ZNF430: variants seen among roughly 807,000 people sequenced by gnomAD.
ZNF430 encodes zinc finger protein 430.
Under a neutral mutation model 56.7 loss-of-function variants are expected in ZNF430, and 35 were observed. The ratio of observed to expected loss-of-function variants is 0.62; its 90% confidence interval spans 0.47 to 0.82. The LOEUF (loss-of-function observed/expected upper bound fraction) is 0.82. Ranked by LOEUF, ZNF430 falls within the 40% of genes least tolerant of loss-of-function variation. The pLI is 0.00. For synonymous variants in ZNF430, 212 were observed against 224.3 expected (o/e 0.94, Z 0.49); for missense variants, 574 against 661.0 (o/e 0.87, Z 1.44).
chr19:21,030,860 C>T (rs1321314373), intron 2 of ZNF430, among the ~76,000 whole-genome samples: 2 of 67,036 alleles, frequency 3.0e-5, no homozygotes. Flanking sequence ...TGGTTATCAG[C>T]CCCGTCTTGT....
intron 4 of ZNF430, among the ~76,000 whole-genome samples, chr19:21,053,064 C>G (rs940317082): frequency 6.6e-6 from 1 of 152,080 alleles, no homozygotes; most frequent in African/African-American, 2.4e-5. Flanking sequence ...TGTTGCAGCC[C>G]AAAATGCATC....
chr19:21,033,828 T>G (rs1967945885), intron 3 of ZNF430: 2 of 525,232 alleles, frequency 3.8e-6, no homozygotes, highest in Non-Finnish European at 3.1e-6. Flanking sequence ...TTCCAGAAAT[T>G]TAGTGGCATA....
chr19:21,047,870 G>A (rs1004674120), intron 4 of ZNF430, among the ~76,000 whole-genome samples: 3 of 152,206 alleles, frequency 2.0e-5, no homozygotes, highest in Non-Finnish European at 4.4e-5. Context: ...CCTTGGTGGA[G>A]TGGCTGTGCT....
In ZNF430 at chr19:21,020,793, G is replaced by A. The variant is rs376530212; in HGVS notation, c.-8G>A. 16 of 1,613,896 alleles carry A rather than the reference G, an allele frequency of 9.9e-6. No homozygotes were observed. The highest frequency in any genetic ancestry group is 6.7e-5 in the East Asian group (3 of 44,870). ...GCTAAGACGCCAGGAACCCCTGGAA[G>A]CCTAGAAATGGTGAGAGTGCCGGGT... On this transcript the variant is annotated 5_prime_UTR_variant, in exon 1 of 5. Transcript: ENST00000261560.
At chr19:21,056,309 C>G (rs1023281481) in intron 4 of ZNF430, among the ~76,000 whole-genome samples, 1 of 151,896 alleles carries the variant, frequency 6.6e-6, no homozygotes, top group Non-Finnish European at 1.5e-5. Context: ...GCCAACATGG[C>G]GAAACCCCAT....
intron 2 of ZNF430, among the ~76,000 whole-genome samples, chr19:21,032,458 T>C (rs957230952): frequency 7.9e-5 from 12 of 152,218 alleles, no homozygotes; most frequent in Admixed American, 6.5e-4. Context: ...CTGGGTGTGG[T>C]GGCTCACACC....
intron 2 of ZNF430, among the ~76,000 whole-genome samples, chr19:21,028,688 GT>G (rs1018619042): frequency 6.6e-6 from 1 of 151,602 alleles, no homozygotes; most frequent in Admixed American, 6.6e-5. Context: ...TTTTTTTAGG[GT>G]TTTTTTTCTT....
At chr19:21,050,884 C>T (rs1019281364) in intron 4 of ZNF430, among the ~76,000 whole-genome samples, 1 of 151,896 alleles carries the variant, frequency 6.6e-6, no homozygotes, top group African/African-American at 2.4e-5. Flanking sequence ...AAAAACTACC[C>T]GGGTGTGGTG....
intron 4 of ZNF430, among the ~76,000 whole-genome samples, chr19:21,046,392 G>C (rs1968186836): frequency 6.6e-6 from 1 of 151,830 alleles, no homozygotes; most frequent in Admixed American, 6.6e-5. Flanking sequence ...GGTGCTATCT[G>C]GTTATTTTGA....
Position 21,036,212 on chromosome 19 carries a change from A to G in ZNF430, c.322+2028A>G, listed in dbSNP as rs528525199. ...ATATGTCTGTCACAATTAGATATAT[A>G]TGTGTGTGTGTGTTTATCTATAAAT... On this transcript the variant is annotated intron_variant, in intron 4 of 4. Coordinates refer to ENST00000261560, the MANE Select transcript of ZNF430 (RefSeq NM_025189.4). The G allele has an allele frequency of 2.3e-4, 39 of 171,816 alleles. No homozygotes were observed. The East Asian group carries it at 2.7e-3, about 12-fold the overall frequency. The allele number at this position is 171,816 out of a possible 1,614,324, so 10.6% of individuals were successfully genotyped here. A position where few individuals can be genotyped will look rare whatever the true frequency, so the allele number is the denominator to read the frequency against.
intron 4 of ZNF430, among the ~76,000 whole-genome samples, chr19:21,041,889 T>A (rs1340683770): frequency 1.3e-5 from 2 of 152,170 alleles, no homozygotes; most frequent in Non-Finnish European, 2.9e-5. Flanking sequence ...AATTTTTGAA[T>A]TTTTAGTAGA....
intron 4 of ZNF430, among the ~76,000 whole-genome samples, chr19:21,042,263 A>G (rs972879434): frequency 4.6e-5 from 7 of 152,316 alleles, no homozygotes; most frequent in South Asian, 2.1e-4. Context: ...TAGTGCTGCA[A>G]TGAACATACA....
chr19:21,038,705 G>A (rs372999302), intron 4 of ZNF430, among the ~76,000 whole-genome samples: 1 of 152,264 alleles, frequency 6.6e-6, no homozygotes, highest in South Asian at 2.1e-4. Flanking sequence ...TGGCATTACA[G>A]GCGTGAGCCA....
intron 4 of ZNF430, among the ~76,000 whole-genome samples, chr19:21,048,164 C>CTTTTTTTTTTTT (rs536496163): frequency 1.7e-5 from 1 of 59,816 alleles, no homozygotes; most frequent in Non-Finnish European, 2.9e-5. Flanking sequence ...CATAAAACAT[C>CTTTTTTTTTTTT]TTTTTTTTTT....
intron 4 of ZNF430, among the ~76,000 whole-genome samples, chr19:21,045,476 T>G (rs1968172362): frequency 6.6e-6 from 1 of 152,150 alleles, no homozygotes; most frequent in South Asian, 2.1e-4. Flanking sequence ...TGCTAAGGAG[T>G]ATTCCTTCCA....
At chr19:21,053,834 CTT>C (rs1464792000) in intron 4 of ZNF430, among the ~76,000 whole-genome samples, 2 of 151,954 alleles carry the variant, frequency 1.3e-5, no homozygotes, top group African/African-American at 4.8e-5. Context: ...ATTCTTGTAT[CTT>C]TGTCTCTCAT....
intron 1 of ZNF430, 21 bp downstream of exon 1, chr19:21,020,824 A>T: frequency 6.2e-7 from 1 of 1,613,796 alleles, no homozygotes; most frequent in Non-Finnish European, 8.5e-7. Context: ...CGGGTCCGAC[A>T]TCCCCAGAGA....
At chr19:21,048,711 C>T (rs372779887) in intron 4 of ZNF430, among the ~76,000 whole-genome samples, 38 of 151,426 alleles carry the variant, frequency 2.5e-4, no homozygotes, top group South Asian at 4.2e-4. Flanking sequence ...ACCTCCCAGA[C>T]GGGGTGGCGG....
Position 21,025,543 on chromosome 19 carries a change from T to C in ZNF430, c.96+2662T>C, listed in dbSNP as rs549871886. ...TCTCAGCCTCATTTTACCCAGCCCC[T>C]ATTCGAAATGGATTTGCCCTGATTC... On this transcript the variant is annotated intron_variant, in intron 2 of 4. Transcript: ENST00000261560. Among the ~76,000 whole-genome samples, 23 of 152,204 alleles carry C rather than the reference T, an allele frequency of 1.5e-4. No individual in the cohort carries two copies. The South Asian group carries it at 4.8e-3, about 32-fold the overall frequency.
Sources: allele counts gnomAD v4.1 joint callset (sites outside exome capture counted in the v4.1 genomes callset), GRCh38; gene constraint gnomAD v4.1.1; transcripts MANE v1.5; gene names NCBI Gene and HGNC (gene_info 2026-07-23, HGNC 2026-07-21).